The following TAFA1 variants were observed in gnomAD, a reference collection of about 807,000 sequenced individuals.
TAFA1 encodes TAFA chemokine like family member 1.
TAFA1 carries 4 observed loss-of-function variants against 18.5 expected under a neutral mutation model. The ratio of observed to expected loss-of-function variants is 0.22; its 90% CI spans 0.11 to 0.49. The LOEUF is 0.49. TAFA1 is among the 20% of genes least tolerant of loss of function. TAFA1 has a pLI of 0.98. For missense variants in TAFA1, 147 were observed against 169.0 expected (o/e 0.87, Z 0.72); for synonymous variants, 56 against 55.2 (o/e 1.01, Z -0.06).
intron 2 of TAFA1, among the ~76,000 whole-genome samples, chr3:68,320,112 A>G (rs1258663518): frequency 2.0e-5 from 3 of 152,366 alleles, no homozygotes; most frequent in East Asian, 3.9e-4. Context: ...AGAATATACT[A>G]CTTATCAAAC....
intron 2 of TAFA1, among the ~76,000 whole-genome samples, chr3:68,311,789 G>A (rs751763096): frequency 6.6e-6 from 1 of 152,180 alleles, no homozygotes; most frequent in East Asian, 1.9e-4. Flanking sequence ...GCCATTCTGG[G>A]GTCTGGAGGA....
chr3:68,010,773 A>T (rs1240879143), intron 2 of TAFA1, among the ~76,000 whole-genome samples: 2 of 152,206 alleles, frequency 1.3e-5, no homozygotes, highest in Non-Finnish European at 2.9e-5. Context: ...ATAATTTAAT[A>T]TTTGGCTGGA....
At chr3:68,182,922 T>C (rs1319089111) in intron 2 of TAFA1, among the ~76,000 whole-genome samples, 2 of 152,178 alleles carry the variant, frequency 1.3e-5, no homozygotes, top group African/African-American at 4.8e-5. Flanking sequence ...AAAAGAAATA[T>C]AATTTGTGTC....
chr3:68,407,159 A>AG (rs1171258165), intron 2 of TAFA1, among the ~76,000 whole-genome samples: 1 of 152,172 alleles, frequency 6.6e-6, no homozygotes, highest in Non-Finnish European at 1.5e-5. Context: ...AGGGAAAAAA[A>AG]TAAGAGTTAT....
intron 2 of TAFA1, among the ~76,000 whole-genome samples, chr3:68,102,683 T>C (rs750100303): frequency 6.6e-6 from 1 of 152,218 alleles, no homozygotes; most frequent in Non-Finnish European, 1.5e-5. Context: ...ACTTGCAGGT[T>C]ATCTCTGCTT....
At chr3:68,140,305 C>T (rs1044128115) in intron 2 of TAFA1, among the ~76,000 whole-genome samples, 1 of 152,258 alleles carries the variant, frequency 6.6e-6, no homozygotes, top group South Asian at 2.1e-4. Context: ...CCCAAAACTC[C>T]GAAGGAAGGA....
intron 2 of TAFA1, among the ~76,000 whole-genome samples, chr3:68,065,925 T>A (rs972772378): frequency 2.6e-5 from 4 of 152,050 alleles, no homozygotes; most frequent in Non-Finnish European, 5.9e-5. Context: ...TAAAAACTAA[T>A]GAACTATTGA....
chr3:68,103,922 T>C (rs548134859), intron 2 of TAFA1, among the ~76,000 whole-genome samples: 2 of 152,244 alleles, frequency 1.3e-5, no homozygotes, highest in Admixed American at 1.3e-4. Context: ...CCTATGAAGG[T>C]AGCATCAGGA....
At chr3:68,447,880 C>T (rs574673296) in intron 3 of TAFA1, among the ~76,000 whole-genome samples, 21 of 152,290 alleles carry the variant, frequency 1.4e-4, no homozygotes, top group Non-Finnish European at 2.4e-4. Context: ...ATGTACAGCA[C>T]GACTTGCCAG....
chr3:68,136,943 G>A (rs1192705627), intron 2 of TAFA1, among the ~76,000 whole-genome samples: 1 of 152,144 alleles, frequency 6.6e-6, no homozygotes, highest in Non-Finnish European at 1.5e-5. Context: ...ATTAAGGACT[G>A]TCAGCAGCCA....
intron 2 of TAFA1, among the ~76,000 whole-genome samples, chr3:68,073,714 G>A (rs986399010): frequency 2.0e-5 from 3 of 152,074 alleles, no homozygotes; most frequent in Non-Finnish European, 2.9e-5. Flanking sequence ...GGTGAGAGTA[G>A]CACAGCAGTT....
At position 68,479,262 on chromosome 3, in the gene TAFA1, A is replaced by ATATG. The variant is rs1186615254; in HGVS notation, c.260-59493_260-59492insATGT. 1.3e-4 allele frequency among the ~76,000 whole-genome samples: 19 copies of ATATG among 147,534 alleles called. No homozygotes were observed. In the East Asian group the frequency reaches 3.8e-3, roughly 29 times the overall value. ...AAAAAATATATATATATATATATAT[A>ATATG]TGTCTGTACCCTATAAACTGTAGCT... On this transcript the variant is annotated intron_variant, in intron 3 of 4. Transcript: ENST00000478136.
chr3:68,303,908 T>C (rs927260534), intron 2 of TAFA1, among the ~76,000 whole-genome samples: 2 of 152,224 alleles, frequency 1.3e-5, no homozygotes, highest in Non-Finnish European at 2.9e-5. Context: ...TTTTATTTAC[T>C]TGTGTTACAC....
At chr3:68,003,711 A>T (rs974542280), upstream of TAFA1, among the ~76,000 whole-genome samples, 30 of 152,228 alleles carry the variant, frequency 2.0e-4, no homozygotes, top group African/African-American at 6.5e-4. Context: ...GAGAGGAAAA[A>T]TTTTTTAAAA....
Position 68,031,663 on chromosome 3 carries a change from G to A in TAFA1, c.118+24919G>A, listed in dbSNP as rs116732604. 5.3e-3 allele frequency among the ~76,000 whole-genome samples: 808 copies of A among 152,086 alleles called. 7 individuals carry two copies. The highest frequency in any genetic ancestry group is 0.018 in the African/African-American group (749 of 41,496). ...AATCCCAAAGCCTAGCAGAGTGGCC[G>A]GTAATTAAAAAGGATGATTAATACA... On this transcript the variant is annotated intron_variant, in intron 2 of 4. Coordinates refer to ENST00000478136, the MANE Select transcript of TAFA1 (RefSeq NM_213609.4).
intron 2 of TAFA1, among the ~76,000 whole-genome samples, chr3:68,212,709 A>C (rs2066611286): frequency 6.6e-6 from 1 of 152,030 alleles, no homozygotes; most frequent in African/African-American, 2.4e-5. Flanking sequence ...ACAATATGCC[A>C]ATCAGTTTTT....
intron 2 of TAFA1, among the ~76,000 whole-genome samples, chr3:68,115,987 T>C (rs974196732): frequency 2.6e-5 from 4 of 152,194 alleles, no homozygotes; most frequent in African/African-American, 9.6e-5. Context: ...CTGGACACGG[T>C]GGCTCACGCC....
intron 3 of TAFA1, among the ~76,000 whole-genome samples, chr3:68,502,719 CCTT>C (rs1349197540): frequency 1.3e-5 from 2 of 152,110 alleles, no homozygotes; most frequent in East Asian, 3.9e-4. Context: ...TAAAACAGCT[CCTT>C]CTTAATACTC....
chr3:68,393,412 T>C (rs1332474759), intron 2 of TAFA1, among the ~76,000 whole-genome samples: 1 of 149,070 alleles, frequency 6.7e-6, no homozygotes, highest in African/African-American at 2.5e-5. Context: ...GATGGATTCA[T>C]AGCCAAATTC....
Sources: gnomAD v4.1 joint callset for allele counts (sites outside exome capture counted in the v4.1 genomes callset) on GRCh38, gnomAD v4.1.1 for gene constraint, MANE v1.5 for transcripts, NCBI Gene and HGNC (gene_info 2026-07-23, HGNC 2026-07-21) for gene names.